The following MYO18B variants were observed in gnomAD, a reference collection of about 807,000 sequenced individuals.
MYO18B encodes myosin XVIIIB.
MYO18B carries 204 observed loss-of-function variants against 273.0 expected under a neutral mutation model. That is an observed-to-expected ratio of 0.75 (90% CI 0.67 to 0.84). MYO18B has a LOEUF of 0.84. Ranked by LOEUF, MYO18B falls within the 40% of genes least tolerant of loss-of-function variation. MYO18B has a pLI of 0.00. For synonymous variants in MYO18B, 1,330 were observed against 1,305.7 expected, an observed-to-expected ratio of 1.02 and a Z score of -0.40; for missense variants, 3,212 against 3,287.6, an observed-to-expected ratio of 0.98 and a Z score of 0.56.
At chr22:26,040,907 A>G in the MYO18B span, among the ~76,000 whole-genome samples, 2 of 152,156 alleles carry the variant, frequency 1.3e-5, no homozygotes, top group African/African-American at 4.8e-5. Context: ...GAGAGTAAGG[A>G]TGGGAGCCAT....
intron 1 of MYO18B, among the ~76,000 whole-genome samples, chr22:25,759,806 G>A (rs1432515134): frequency 2.0e-5 from 3 of 152,126 alleles, no homozygotes; most frequent in Non-Finnish European, 2.9e-5. Flanking sequence ...CTGTTACTGC[G>A]AATTGGAGGT....
At chr22:25,775,826 T>C (rs2086892894) in intron 7 of MYO18B, among the ~76,000 whole-genome samples, 1 of 151,958 alleles carries the variant, frequency 6.6e-6, no homozygotes, top group Non-Finnish European at 1.5e-5. Flanking sequence ...TGAATTAATT[T>C]CTTTCATCGA....
At chr22:26,020,542 T>A (rs1935721602) in intron 42 of MYO18B, among the ~76,000 whole-genome samples, 1 of 152,140 alleles carries the variant, frequency 6.6e-6, no homozygotes, top group African/African-American at 2.4e-5. Flanking sequence ...CAGACAAGGG[T>A]TAAGATTTTA....
chr22:25,799,890 A>G (rs2088110972), intron 12 of MYO18B, among the ~76,000 whole-genome samples: 1 of 152,200 alleles, frequency 6.6e-6, no homozygotes, highest in African/African-American at 2.4e-5. Flanking sequence ...AAAATCATCC[A>G]TGGACATTCA....
chr22:25,833,131 G>A (rs978590601), intron 16 of MYO18B, 134 bp downstream of exon 16: 25 of 782,834 alleles, frequency 3.2e-5, no homozygotes, highest in Admixed American at 2.0e-4. Flanking sequence ...CATTGGCAAC[G>A]TGGATGCCTG....
chr22:25,873,060 C>T (rs1484085644), intron 22 of MYO18B, among the ~76,000 whole-genome samples: 1 of 152,202 alleles, frequency 6.6e-6, no homozygotes, highest in South Asian at 2.1e-4. Context: ...TACCCTTGCG[C>T]ATTGGCAGGA....
intron 11 of MYO18B, 95 bp downstream of exon 11, chr22:25,785,586 C>T: frequency 7.5e-7 from 1 of 1,331,396 alleles, no homozygotes; most frequent in Non-Finnish European, 1.1e-6. Context: ...TCTTTTGGTA[C>T]TGGGGTTCAT....
intron 3 of MYO18B, among the ~76,000 whole-genome samples, chr22:25,767,055 G>A (rs1260544795): frequency 1.3e-5 from 2 of 152,234 alleles, no homozygotes; most frequent in Non-Finnish European, 2.9e-5. Flanking sequence ...GTGTCTGTGA[G>A]GCTGTGCTGG....
At chr22:25,766,649 A>C (rs1476210837) in intron 3 of MYO18B, among the ~76,000 whole-genome samples, 2 of 152,330 alleles carry the variant, frequency 1.3e-5, no homozygotes, top group Non-Finnish European at 2.9e-5. Context: ...CACGCCAGGC[A>C]GCAAGCTCAG....
the MYO18B span, among the ~76,000 whole-genome samples, chr22:26,041,537 T>TAAC: frequency 6.6e-6 from 1 of 151,668 alleles, no homozygotes; most frequent in Non-Finnish European, 1.5e-5. Context: ...ATCTCAAAAA[T>TAAC]AATAATAATA....
intron 11 of MYO18B, among the ~76,000 whole-genome samples, chr22:25,793,422 A>T (rs2087765560): frequency 1.3e-5 from 2 of 152,238 alleles, no homozygotes; most frequent in Admixed American, 1.3e-4. Context: ...TTTTTTATAG[A>T]TACGAGAGGT....
At chr22:25,856,846 C>T (rs1192289382) in intron 21 of MYO18B, among the ~76,000 whole-genome samples, 1 of 152,182 alleles carries the variant, frequency 6.6e-6, no homozygotes, top group African/African-American at 2.4e-5. Context: ...TGATGCTCCT[C>T]TGAAGGGTTT....
intron 40 of MYO18B, among the ~76,000 whole-genome samples, chr22:25,997,305 C>CAAAA (rs1933372342): frequency 1.4e-4 from 2 of 14,098 alleles, no homozygotes; most frequent in Admixed American, 1.2e-3. Context: ...ACTCTGTCGC[C>CAAAA]AAAAAAAAAA....
chr22:26,028,287 A>G (rs554871150), intron 43 of MYO18B: 1 of 149,432 alleles, frequency 6.7e-6, no homozygotes, highest in African/African-American at 2.5e-5. Context: ...GTTTAAAGTT[A>G]CCTCACCCTA....
chr22:25,994,813 A>C (rs1933060429), intron 40 of MYO18B, among the ~76,000 whole-genome samples: 1 of 152,236 alleles, frequency 6.6e-6, no homozygotes, highest in African/African-American at 2.4e-5. Flanking sequence ...CATAGAAACA[A>C]TAGAGCTTTT....
At chr22:26,045,274 C>G in the MYO18B span, among the ~76,000 whole-genome samples, 1 of 152,068 alleles carries the variant, frequency 6.6e-6, no homozygotes, top group Non-Finnish European at 1.5e-5. Context: ...CAAGGCCATT[C>G]AAGACCTGCC....
intron 34 of MYO18B, among the ~76,000 whole-genome samples, chr22:25,932,698 C>T (rs1182689797): frequency 1.3e-5 from 2 of 152,204 alleles, no homozygotes. Context: ...GTGTGAGCCA[C>T]TGCGCCCTGC....
At chr22:25,832,202 T>G (rs1023016607) in intron 15 of MYO18B, among the ~76,000 whole-genome samples, 1 of 152,116 alleles carries the variant, frequency 6.6e-6, no homozygotes, top group African/African-American at 2.4e-5. Flanking sequence ...ATGGTGGACC[T>G]CAAAACCTAA....
intron 1 of MYO18B, among the ~76,000 whole-genome samples, chr22:25,753,605 T>A (rs1021191622): frequency 3.9e-5 from 6 of 152,202 alleles, no homozygotes; most frequent in African/African-American, 1.4e-4. Context: ...GGGTCTACGC[T>A]GCGTGTGTGA....
Sources: allele counts gnomAD v4.1 joint callset (sites outside exome capture counted in the v4.1 genomes callset), GRCh38; gene constraint gnomAD v4.1.1; transcripts MANE v1.5; gene names NCBI Gene and HGNC (gene_info 2026-07-23, HGNC 2026-07-21).